ENTREP2: variants seen among roughly 807,000 people sequenced by gnomAD.
ENTREP2 encodes protein ENTREP2.
chr15:29,134,377 G>A, the ENTREP2 span, among the ~76,000 whole-genome samples: 91 of 152,258 alleles, frequency 6.0e-4, 1 homozygote, highest in South Asian at 0.018. Context: ...GGTCCTGGCC[G>A]GGGCTCAGGG....
the ENTREP2 span, among the ~76,000 whole-genome samples, chr15:29,443,376 C>T: frequency 2.7e-4 from 41 of 152,214 alleles, no homozygotes; most frequent in African/African-American, 7.9e-4. Flanking sequence ...CAAAGATGCC[C>T]GGCGTTCCAA....
the ENTREP2 span, among the ~76,000 whole-genome samples, chr15:29,648,096 T>TCA: frequency 6.6e-6 from 1 of 152,038 alleles, no homozygotes; most frequent in Non-Finnish European, 1.5e-5. Flanking sequence ...CTGAACATCA[T>TCA]CATCATTTAC....
chr15:29,485,201 A>T, the ENTREP2 span, among the ~76,000 whole-genome samples: 1 of 152,126 alleles, frequency 6.6e-6, no homozygotes, highest in Non-Finnish European at 1.5e-5. Flanking sequence ...ACCAAGCAAA[A>T]ATGGAATGGA....
the ENTREP2 span, among the ~76,000 whole-genome samples, chr15:29,580,438 T>G: frequency 1.3e-5 from 2 of 152,344 alleles, no homozygotes; most frequent in African/African-American, 4.8e-5. Flanking sequence ...TAGCAAACAC[T>G]AAGTGCCAGT....
At chr15:29,495,586 C>G in the ENTREP2 span, among the ~76,000 whole-genome samples, 6 of 152,120 alleles carry the variant, frequency 3.9e-5, no homozygotes. Flanking sequence ...GATAACTCTC[C>G]AATTTTGTTT....
chr15:29,332,711 G>A, the ENTREP2 span, among the ~76,000 whole-genome samples: 1 of 152,130 alleles, frequency 6.6e-6, no homozygotes, highest in African/African-American at 2.4e-5. Context: ...TGTAATCCCA[G>A]CACTTTCGGA....
At chr15:29,278,055 A>C in the ENTREP2 span, among the ~76,000 whole-genome samples, 20 of 152,230 alleles carry the variant, frequency 1.3e-4, no homozygotes, top group African/African-American at 4.6e-4. Context: ...ATAAAGAGAG[A>C]AACAGGTGAC....
At chr15:29,642,145 A>G in the ENTREP2 span, among the ~76,000 whole-genome samples, 2 of 152,154 alleles carry the variant, frequency 1.3e-5, no homozygotes, top group Non-Finnish European at 1.5e-5. Context: ...TAAAATTCAT[A>G]TAGGAACTCA....
chr15:29,584,997 G>A, the ENTREP2 span, among the ~76,000 whole-genome samples: 26 of 150,708 alleles, frequency 1.7e-4, no homozygotes, highest in South Asian at 1.7e-3. Flanking sequence ...AAAGATCGAT[G>A]GATAGATAGA....
the ENTREP2 span, among the ~76,000 whole-genome samples, chr15:29,492,585 G>A: frequency 1.6e-4 from 24 of 152,244 alleles, no homozygotes; most frequent in Non-Finnish European, 1.3e-4. Flanking sequence ...ATGAGCTATC[G>A]GTTATGACCT....
chr15:29,412,592 CCATTA>C, the ENTREP2 span, among the ~76,000 whole-genome samples: 1 of 152,042 alleles, frequency 6.6e-6, no homozygotes, highest in African/African-American at 2.4e-5. Context: ...ATAAATCTGT[CCATTA>C]CATCTGAGTT....
the ENTREP2 span, among the ~76,000 whole-genome samples, chr15:29,296,247 A>G: frequency 1.3e-5 from 2 of 152,262 alleles, no homozygotes; most frequent in Non-Finnish European, 2.9e-5. Flanking sequence ...TGTAGAAAAG[A>G]GATGATGGTG....
chr15:29,206,246 A>C, the ENTREP2 span, among the ~76,000 whole-genome samples: 1 of 152,160 alleles, frequency 6.6e-6, no homozygotes, highest in Non-Finnish European at 1.5e-5. Context: ...CAGAAGAGAC[A>C]AGGCAGTTTT....
At chr15:29,186,422 G>A in the ENTREP2 span, among the ~76,000 whole-genome samples, 1 of 152,200 alleles carries the variant, frequency 6.6e-6, no homozygotes, top group African/African-American at 2.4e-5. Context: ...AAACTCCAAA[G>A]GCAGCACCTC....
At chr15:29,327,032 C>G in the ENTREP2 span, among the ~76,000 whole-genome samples, 1 of 151,962 alleles carries the variant, frequency 6.6e-6, no homozygotes, top group Non-Finnish European at 1.5e-5. Flanking sequence ...GAAACCTAGA[C>G]ATAAAACTTA....
At chr15:29,195,852 GCA>G in the ENTREP2 span, among the ~76,000 whole-genome samples, 1 of 152,076 alleles carries the variant, frequency 6.6e-6, no homozygotes, top group Non-Finnish European at 1.5e-5. Context: ...AAAAGTTTTG[GCA>G]CAGTTTTATT....
the ENTREP2 span, among the ~76,000 whole-genome samples, chr15:29,170,150 T>TA: frequency 2.0e-5 from 3 of 150,754 alleles, no homozygotes; most frequent in East Asian, 2.0e-4. Context: ...CTACTAAAAA[T>TA]AAAAAAAATT....
the ENTREP2 span, among the ~76,000 whole-genome samples, chr15:29,286,407 T>TCTA: frequency 6.6e-6 from 1 of 152,250 alleles, no homozygotes; most frequent in African/African-American, 2.4e-5. Context: ...ACAGCATATG[T>TCTA]GGTACATTTT....
the ENTREP2 span, among the ~76,000 whole-genome samples, chr15:29,340,780 T>C: frequency 1.4e-4 from 22 of 152,310 alleles, no homozygotes; most frequent in Admixed American, 1.4e-3. Context: ...ATCACATGTA[T>C]GAGAGATGGG....
Sources: gnomAD v4.1 joint callset for allele counts (sites outside exome capture counted in the v4.1 genomes callset) on GRCh38, gnomAD v4.1.1 for gene constraint, MANE v1.5 for transcripts, NCBI Gene and HGNC (gene_info 2026-07-23, HGNC 2026-07-21) for gene names.